The following SYNJ2 variants were observed in gnomAD, a reference collection of about 807,000 sequenced individuals.
SYNJ2 encodes polyphosphatidylinositol phosphatase SYNJ2.
A neutral mutation model predicts 141.3 loss-of-function variants in SYNJ2; 116 were observed. The ratio of observed to expected loss-of-function variants is 0.82; its 90% CI spans 0.71 to 0.96. The LOEUF (loss-of-function observed/expected upper bound fraction) is 0.96. Among genes scored for constraint, SYNJ2 ranks in the 40% least tolerant of loss-of-function variants. The pLI is 0.00. For missense variants in SYNJ2, 1,873 were observed against 1,934.8 expected (o/e 0.97, Z 0.60); for synonymous variants, 745 against 777.7 (o/e 0.96, Z 0.70).
chr6:158,081,431 G>C lies in SYNJ2; in HGVS notation c.2787-1G>C, dbSNP rs1269450003. ...TTGACTTGGAGTATCATTTATTCCA[G>C]GATCAACCAAGGGCAGATGCTGGTA... On this transcript the variant is annotated splice_acceptor_variant, in intron 19 of 26. Transcript: ENST00000355585. LOFTEE classifies it high-confidence loss of function. 1 of 1,613,810 alleles carries C rather than the reference G, an allele frequency of 6.2e-7. No individual in the cohort carries two copies. Among genetic ancestry groups the C allele is most frequent in the Non-Finnish European group, 8.5e-7 (1 of 1,179,976 alleles).
At chr6:158,067,907 C>G in intron 12 of SYNJ2, 1 of 985,304 alleles carries the variant, frequency 1.0e-6, no homozygotes, top group Middle Eastern at 5.2e-4. Flanking sequence ...ACAGCCGTGG[C>G]TCAAGAGCCG....
intron 1 of SYNJ2, among the ~76,000 whole-genome samples, chr6:157,999,961 C>T (rs1237981571): frequency 6.6e-6 from 1 of 151,010 alleles, no homozygotes; most frequent in African/African-American, 2.4e-5. Context: ...CAGCACACAG[C>T]ACAACAGCTT....
chr6:157,997,035 C>G (rs1777660839), intron 1 of SYNJ2, among the ~76,000 whole-genome samples: 1 of 145,352 alleles, frequency 6.9e-6, no homozygotes, highest in South Asian at 2.3e-4. Flanking sequence ...CCACCCCCCC[C>G]CACCCAGCTT....
rs368774873 is a variant in SYNJ2, at chr6:158,088,364, C to A, written c.3344-296C>A. 3.9e-5 allele frequency among the ~76,000 whole-genome samples: 6 copies of A among 152,100 alleles called. No individual in the cohort carries two copies. The South Asian group carries it at 1.0e-3, about 26-fold the overall frequency. On this transcript the variant is annotated intron_variant, in intron 23 of 26. Transcript: ENST00000355585. ...ATAGTATTTGGAACCATTTCAAAAT[C>A]AATTGGTTTTTATATCAGATCTGAA...
At chr6:158,004,252 G>C (rs1006222978) in intron 1 of SYNJ2, among the ~76,000 whole-genome samples, 1 of 152,078 alleles carries the variant, frequency 6.6e-6, no homozygotes, top group African/African-American at 2.4e-5. Context: ...GGCATTCTTA[G>C]CCACAGGATG....
chr6:158,048,695 C>T (rs940701840), intron 5 of SYNJ2, among the ~76,000 whole-genome samples: 5 of 152,180 alleles, frequency 3.3e-5, no homozygotes, highest in African/African-American at 4.8e-5. Flanking sequence ...CGGTGCTGTG[C>T]TGGCAAGCCA....
Position 157,982,081 on chromosome 6 carries a change from C to T in SYNJ2, c.120C>T (p.Ala40=), listed in dbSNP as rs1041319872. The T allele has an allele frequency of 1.5e-6, 2 of 1,335,852 alleles. No homozygotes were observed. The allele number at this position is 1,335,852 out of a possible 1,614,324, so 82.7% of individuals were successfully genotyped here. A position where few individuals can be genotyped will look rare whatever the true frequency, so the allele number is the denominator to read the frequency against. The part of the protein sequence containing the change: ...DCLLFEAGTV[A]TLAPEEKEVI... ...TGCTGTTCGAGGCCGGCACGGTGGC[C>T]ACGCTGGGTGAGTCCGGGCCGGGGG... is the stretch of plus-strand genomic sequence containing the variant. The change falls in exon 1 of 27, where the codon GCC becomes GCT. Residue 40 remains alanine, a synonymous_variant. Coordinates refer to ENST00000355585, the MANE Select transcript of SYNJ2 (RefSeq NM_003898.4). The surrounding 1 kb of genome is among the most constrained non-coding windows in gnomAD (Gnocchi z 4.0).
Position 158,043,524 on chromosome 6 carries a change from A to G in SYNJ2, c.795+125A>G. On this transcript the variant is annotated intron_variant, in intron 5 of 26. Transcript: ENST00000355585. The surrounding 1 kb of genome is among the most constrained non-coding windows in gnomAD (Gnocchi z 4.0). ...GGCATAGTTTCCAGTCTTTTTCCTC[A>G]GCCCTGTTGTGTTGAGCTGAGCTAT... 1 of 689,204 alleles carries G rather than the reference A, an allele frequency of 1.5e-6. No individual in the cohort carries two copies. Among genetic ancestry groups the G allele is most frequent in the South Asian group, 1.8e-5 (1 of 55,900 alleles). 42.7% of individuals were successfully genotyped at this position (689,204 alleles called of 1,614,324 possible).
At chr6:158,023,801 G>T (rs932006044) in intron 2 of SYNJ2, among the ~76,000 whole-genome samples, 1 of 152,170 alleles carries the variant, frequency 6.6e-6, no homozygotes, top group South Asian at 2.1e-4. Flanking sequence ...TGCAAGTCAG[G>T]TGATGTCCAA....
chr6:158,029,296 C>T (rs1779234513), intron 3 of SYNJ2: 1 of 319,912 alleles, frequency 3.1e-6, no homozygotes, highest in Non-Finnish European at 5.8e-6. Context: ...TGCCTGTAAT[C>T]CCAGCACTTT....
intron 2 of SYNJ2, 109 bp from the exon 3 acceptor site, chr6:158,028,647 A>G (rs550949629): frequency 6.9e-7 from 1 of 1,442,144 alleles, no homozygotes; most frequent in Non-Finnish European, 9.4e-7. Context: ...AGGTGCACAG[A>G]CGTTGCCTTC....
At chr6:158,063,659 C>CAAAAAAA (rs71298907) in intron 8 of SYNJ2, 132 bp from the exon 9 acceptor site, 50 of 188,788 alleles carry the variant, frequency 2.6e-4, no homozygotes, top group Admixed American at 3.5e-4. Context: ...GACTCTGTCT[C>CAAAAAAA]AAAAAAAAAA....
chr6:158,092,734 C>A (rs1983873), intron 25 of SYNJ2, among the ~76,000 whole-genome samples, 192 bp from the exon 26 acceptor site: 78,710 of 151,850 alleles, frequency 0.52, 20,565 homozygotes, highest in African/African-American at 0.56. Flanking sequence ...CGCTGCACTC[C>A]GGCCTGGGTG....
chr6:158,068,235 G>C (rs1183842150), intron 12 of SYNJ2, among the ~76,000 whole-genome samples: 1 of 151,866 alleles, frequency 6.6e-6, no homozygotes, highest in Non-Finnish European at 1.5e-5. Context: ...AGCCTGCCTG[G>C]CCTCTCGCTG....
At chr6:158,060,804 G>A (rs751744245) in intron 7 of SYNJ2, among the ~76,000 whole-genome samples, 194 of 152,338 alleles carry the variant, frequency 1.3e-3, no homozygotes, top group Non-Finnish European at 2.3e-3. Flanking sequence ...TGAAGTGCCC[G>A]GCACTGGTGA....
At chr6:158,089,618 C>G (rs984494788) in intron 24 of SYNJ2, among the ~76,000 whole-genome samples, 1 of 151,962 alleles carries the variant, frequency 6.6e-6, no homozygotes, top group African/African-American at 2.4e-5. Context: ...CTGTAATCAC[C>G]CGGCTTTGAA....
intron 1 of SYNJ2, among the ~76,000 whole-genome samples, chr6:158,006,668 C>T (rs1028096399): frequency 6.6e-6 from 1 of 152,222 alleles, no homozygotes; most frequent in Admixed American, 6.5e-5. Context: ...CGCCACACTC[C>T]CAGCTAATTT....
chr6:158,078,215 G>A lies in SYNJ2; in HGVS notation c.2501G>A (p.Arg834Lys). Reference sequence around the variant, plus strand: ...GATCTAGATGTTGACACCAAAGTCAGACACACCTGGTCTCCTGGTGCCCTG... The same window carrying A: ...GATCTAGATGTTGACACCAAAGTCAAACACACCTGGTCTCCTGGTGCCCTG... Reference protein sequence around the residue: ...DSDLDVDTKVRHTWSPGALQY... With the variant: ...DSDLDVDTKVKHTWSPGALQY... Residue 834 changes from arginine (R) to lysine (K), a missense_variant, in exon 18 of 27, where the codon AGA becomes AAA. By Grantham distance (26) the Arg-to-Lys change is conservative. Transcript: ENST00000355585. 6.2e-7 allele frequency: 1 copy of A among 1,614,090 alleles called. No individual in the cohort carries two copies. Among genetic ancestry groups the A allele is most frequent in the Non-Finnish European group, 8.5e-7 (1 of 1,179,996 alleles).
chr6:158,020,849 T>C (rs1778731898), intron 2 of SYNJ2, among the ~76,000 whole-genome samples: 2 of 152,240 alleles, frequency 1.3e-5, no homozygotes, highest in Admixed American at 1.3e-4. Flanking sequence ...TTTCCCTTAG[T>C]TTGGGAAAAA....
Sources: allele counts gnomAD v4.1 joint callset (sites outside exome capture counted in the v4.1 genomes callset), GRCh38; gene constraint gnomAD v4.1.1; non-coding constraint Gnocchi (gnomAD v3.1); transcripts MANE v1.5; gene names NCBI Gene and HGNC (gene_info 2026-07-23, HGNC 2026-07-21).